AFG2A: variants seen among roughly 807,000 people sequenced by gnomAD.
AFG2A encodes AAA ATPase AFG2A.
At chr4:123,084,614 G>GTGTGTGTGTA in the AFG2A span, among the ~76,000 whole-genome samples, 198 of 148,658 alleles carry the variant, frequency 1.3e-3, no homozygotes, top group Middle Eastern at 7.0e-3. Context: ...GTGTGTGTGT[G>GTGTGTGTGTA]TATATATATA....
At chr4:123,167,018 C>T in the AFG2A span, among the ~76,000 whole-genome samples, 1 of 151,754 alleles carries the variant, frequency 6.6e-6, no homozygotes, top group South Asian at 2.1e-4. Flanking sequence ...GTTATTATCC[C>T]CTCAATATGG....
the AFG2A span, among the ~76,000 whole-genome samples, chr4:123,115,044 G>A: frequency 0.011 from 1,633 of 152,298 alleles, 36 homozygotes; most frequent in South Asian, 0.096. Context: ...ATGGGACACA[G>A]GAGACTGTTG....
At chr4:123,307,518 A>C in the AFG2A span, among the ~76,000 whole-genome samples, 1 of 152,348 alleles carries the variant, frequency 6.6e-6, no homozygotes, top group East Asian at 1.9e-4. Context: ...ATTCCTAAAT[A>C]GAGAGATATG....
At chr4:123,266,908 T>G in the AFG2A span, among the ~76,000 whole-genome samples, 1 of 151,986 alleles carries the variant, frequency 6.6e-6, no homozygotes, top group Non-Finnish European at 1.5e-5. Flanking sequence ...AATAATTGTT[T>G]AGGAAATAAG....
chr4:123,054,866 A>G, the AFG2A span, among the ~76,000 whole-genome samples: 2 of 151,944 alleles, frequency 1.3e-5, no homozygotes, highest in Non-Finnish European at 2.9e-5. Flanking sequence ...CTTTGCCTTA[A>G]ACTTGTTCCT....
the AFG2A span, among the ~76,000 whole-genome samples, chr4:123,195,308 A>G: frequency 2.9e-4 from 44 of 152,358 alleles, no homozygotes; most frequent in South Asian, 6.8e-3. Flanking sequence ...GTTGAAGCTA[A>G]TTTATTGATA....
At chr4:122,951,011 A>G in the AFG2A span, among the ~76,000 whole-genome samples, 1 of 152,192 alleles carries the variant, frequency 6.6e-6, no homozygotes, top group Non-Finnish European at 1.5e-5. Flanking sequence ...CCAGTTGACC[A>G]CATCGTCTGT....
chr4:123,004,562 T>C, the AFG2A span, among the ~76,000 whole-genome samples: 1 of 152,262 alleles, frequency 6.6e-6, no homozygotes, highest in Non-Finnish European at 1.5e-5. Context: ...TGAATCAGTC[T>C]TGTAGTCCTG....
chr4:123,118,108 T>C, the AFG2A span, among the ~76,000 whole-genome samples: 2 of 150,650 alleles, frequency 1.3e-5, no homozygotes, highest in Non-Finnish European at 3.0e-5. Context: ...GTATTTTGAA[T>C]TGGTAACATA....
At chr4:123,165,805 A>ATG in the AFG2A span, among the ~76,000 whole-genome samples, 1 of 152,174 alleles carries the variant, frequency 6.6e-6, no homozygotes, top group Non-Finnish European at 1.5e-5. Context: ...TTTTCAAAGG[A>ATG]AGTCTTAAAT....
the AFG2A span, among the ~76,000 whole-genome samples, chr4:123,191,555 C>T: frequency 6.6e-6 from 1 of 152,066 alleles, no homozygotes; most frequent in East Asian, 1.9e-4. Flanking sequence ...GGTACATTCT[C>T]CAGTAATAAA....
the AFG2A span, among the ~76,000 whole-genome samples, chr4:123,025,193 T>A: frequency 6.6e-6 from 1 of 152,186 alleles, no homozygotes; most frequent in African/African-American, 2.4e-5. Context: ...GAGAAAAGAT[T>A]GCATTTAATC....
the AFG2A span, among the ~76,000 whole-genome samples, chr4:123,049,180 T>A: frequency 1.3e-5 from 2 of 152,338 alleles, no homozygotes; most frequent in South Asian, 4.1e-4. Context: ...TTCGCATATG[T>A]TGGTTCATCC....
the AFG2A span, among the ~76,000 whole-genome samples, chr4:123,129,361 C>T: frequency 6.6e-6 from 1 of 152,112 alleles, no homozygotes; most frequent in Non-Finnish European, 1.5e-5. Flanking sequence ...AGAGCATAAC[C>T]CATAAATTGC....
chr4:123,205,845 G>A, the AFG2A span, among the ~76,000 whole-genome samples: 1 of 152,084 alleles, frequency 6.6e-6, no homozygotes, highest in African/African-American at 2.4e-5. Context: ...ATCTCAACAG[G>A]GAAAGCCTTT....
the AFG2A span, among the ~76,000 whole-genome samples, chr4:122,968,866 T>C: frequency 6.6e-6 from 1 of 152,220 alleles, no homozygotes; most frequent in Non-Finnish European, 1.5e-5. Context: ...AGTTCCCTGA[T>C]GACTGAGTCT....
At chr4:123,081,164 G>T in the AFG2A span, among the ~76,000 whole-genome samples, 1 of 152,176 alleles carries the variant, frequency 6.6e-6, no homozygotes. Context: ...TGTACATTCT[G>T]TGGGTTTGGA....
chr4:123,304,540 C>T, the AFG2A span, among the ~76,000 whole-genome samples: 1 of 152,190 alleles, frequency 6.6e-6, no homozygotes, highest in Non-Finnish European at 1.5e-5. Flanking sequence ...CCACAATCAT[C>T]GCCAGCTGCA....
At chr4:123,135,161 A>G in the AFG2A span, among the ~76,000 whole-genome samples, 1 of 152,340 alleles carries the variant, frequency 6.6e-6, no homozygotes, top group South Asian at 2.1e-4. Context: ...CAAAAACTAC[A>G]TGATCATTTC....
Sources: allele counts gnomAD v4.1 joint callset (sites outside exome capture counted in the v4.1 genomes callset), GRCh38; gene constraint gnomAD v4.1.1; transcripts MANE v1.5; gene names NCBI Gene and HGNC (gene_info 2026-07-23, HGNC 2026-07-21).